Variants in SMARCAL1 observed in about 807,000 individuals in gnomAD.
The protein encoded by SMARCAL1 is ATP-driven annealing helicase.
A neutral mutation model predicts 94.5 loss-of-function variants in SMARCAL1; 58 were observed. That is an observed-to-expected ratio of 0.61 (90% CI 0.50 to 0.76). SMARCAL1 has a LOEUF of 0.76. SMARCAL1 is among the 30% of genes least tolerant of loss of function. SMARCAL1 has a pLI of 0.00. For missense variants in SMARCAL1, 1,051 were observed against 1,177.9 expected (o/e 0.89, Z 1.58); for synonymous variants, 422 against 455.1 (o/e 0.93, Z 0.93).
intron 12 of SMARCAL1, among the ~76,000 whole-genome samples, chr2:216,457,753 C>A (rs1270743429): frequency 6.6e-6 from 1 of 152,164 alleles, no homozygotes; most frequent in Non-Finnish European, 1.5e-5. Context: ...CTAAAATTGA[C>A]ACCCTAACAT....
At chr2:216,478,450 G>T in intron 17 of SMARCAL1, 151 bp downstream of exon 17, 1 of 719,046 alleles carries the variant, frequency 1.4e-6, no homozygotes, top group Non-Finnish European at 2.5e-6. Context: ...GTCATTCTCA[G>T]TTGAACCATG....
intron 11 of SMARCAL1, among the ~76,000 whole-genome samples, 181 bp from the exon 12 acceptor site, chr2:216,450,665 C>G (rs1694427850): frequency 6.6e-6 from 1 of 152,168 alleles, no homozygotes; most frequent in African/African-American, 2.4e-5. Flanking sequence ...TTTTTTCTCT[C>G]TTTTCCTTTC....
chr2:216,477,309 A>G, intron 16 of SMARCAL1, 100 bp downstream of exon 16: 1 of 857,136 alleles, frequency 1.2e-6, no homozygotes, highest in African/African-American at 1.7e-5. Flanking sequence ...TTTGCTAAGT[A>G]AGGTCTTTAA....
intron 12 of SMARCAL1, among the ~76,000 whole-genome samples, chr2:216,463,706 T>C (rs1003057881): frequency 5.3e-5 from 8 of 152,210 alleles, no homozygotes; most frequent in African/African-American, 1.7e-4. Flanking sequence ...AATTACCTTA[T>C]GTGGGAGGTA....
chr2:216,448,089 G>A (rs1055692592), intron 11 of SMARCAL1, among the ~76,000 whole-genome samples: 4 of 152,260 alleles, frequency 2.6e-5, no homozygotes, highest in Admixed American at 2.6e-4. Flanking sequence ...ACATTCAAAC[G>A]AAGTACTTAT....
intron 8 of SMARCAL1, among the ~76,000 whole-genome samples, chr2:216,434,851 ATTTTTT>A (rs11408208): frequency 0.12 from 14,388 of 117,348 alleles, 815 homozygotes; most frequent in South Asian, 0.21. Flanking sequence ...ACAACTCTCT[ATTTTTT>A]TTTTTTTTTT....
rs112797775 is a variant in SMARCAL1 at position 216,448,300 on chromosome 2, G to A, written c.1851+1142G>A. ...TGGTCCCTCAAAACTCTTCATGTAT[G>A]ATTTGGATTTCTGTCCTATTCGCAA... On this transcript the variant is annotated intron_variant, in intron 11 of 17. Coordinates refer to ENST00000357276, the MANE Select transcript of SMARCAL1 (RefSeq NM_014140.4). 2.9e-3 allele frequency among the ~76,000 whole-genome samples: 441 copies of A among 152,248 alleles called. 6 individuals are homozygous for A. Among genetic ancestry groups the A allele is most frequent in the East Asian group, 0.025 (132 of 5,180 alleles).
At position 216,432,923 on chromosome 2, in the gene SMARCAL1, G is replaced by A. The variant is rs879109772; in HGVS notation, c.1485+55G>A. On this transcript the variant is annotated intron_variant, in intron 8 of 17. Coordinates refer to ENST00000357276, the MANE Select transcript of SMARCAL1 (RefSeq NM_014140.4). ...AGAGAAGGTTTTCTTCAGTGTTAGA[G>A]TCATAAAATAATGGTTTGCAGACAG... 31 of 1,605,562 alleles carry A rather than the reference G, an allele frequency of 1.9e-5. No homozygotes were observed. In the South Asian group the frequency reaches 2.6e-4, roughly 14 times the overall value.
Position 216,475,163 on chromosome 2 carries a change from C to T in SMARCAL1, c.2245-106C>T. On this transcript the variant is annotated intron_variant, in intron 14 of 17. Coordinates refer to ENST00000357276, the MANE Select transcript of SMARCAL1 (RefSeq NM_014140.4). The surrounding 1 kb of genome is among the most constrained non-coding windows in gnomAD (Gnocchi z 4.4). ...AGAAAAGCTCTGAAGGCAGGGGCCT[C>T]TGCTGAGCTGGAACCTGGTTCTGTG... is the stretch of plus-strand genomic sequence containing the variant. The T allele has an allele frequency of 8.8e-7, 1 of 1,141,280 alleles. No homozygotes were observed. The highest frequency in any genetic ancestry group is 2.4e-5 in the East Asian group (1 of 42,070). 70.7% of individuals were successfully genotyped at this position (1,141,280 alleles called of 1,614,324 possible).
intron 6 of SMARCAL1, 78 bp downstream of exon 6, chr2:216,423,761 TGAAG>T: frequency 6.1e-6 from 8 of 1,302,960 alleles, no homozygotes; most frequent in Non-Finnish European, 8.9e-6. Flanking sequence ...GATGTATTTT[TGAAG>T]AATCTTCTCC....
rs199905841 is a variant in SMARCAL1 at position 216,414,828 on chromosome 2, A to G, written c.124A>G (p.Ile42Val). Reference sequence around the variant, plus strand: ...TCAGAGGACTAGCTCGGGCACCTCCATTGCTGGCAACCCATTCCAGGCCAA... The same window carrying G: ...TCAGAGGACTAGCTCGGGCACCTCCGTTGCTGGCAACCCATTCCAGGCCAA... Reference protein sequence around the residue: ...QHQRTSSGTSIAGNPFQAKQG... With the variant: ...QHQRTSSGTSVAGNPFQAKQG... Residue 42 changes from isoleucine (I) to valine (V), a missense_variant, in exon 3 of 18, where the codon ATT becomes GTT. By Grantham distance (29) the Ile-to-Val change is conservative (BLOSUM62 3). Coordinates refer to ENST00000357276, the MANE Select transcript of SMARCAL1 (RefSeq NM_014140.4). 3.4e-4 allele frequency: 542 copies of G among 1,614,180 alleles called. 1 individual carries two copies. Among genetic ancestry groups the G allele is most frequent in the Non-Finnish European group, 2.9e-5 (34 of 1,180,038 alleles).
Position 216,415,439 on chromosome 2 carries a change from C to G in SMARCAL1, c.735C>G (p.Gly245=), listed in dbSNP as rs149510554. Residue 245 remains glycine (G), a synonymous_variant, in exon 3 of 18, where the codon GGC becomes GGG. Transcript: ENST00000357276. The part of the protein sequence containing the change: ...NSQKGKCVRN[G]DRFQVLIGYN... ...AGAAGGGAAAGTGCGTAAGGAACGGCGATCGTTTCCAGGTGTTGATTGGGT... is the reference window on the plus strand; with the variant it reads ...AGAAGGGAAAGTGCGTAAGGAACGGGGATCGTTTCCAGGTGTTGATTGGGT... 3.1e-6 allele frequency: 5 copies of G among 1,613,978 alleles called. No individual in the cohort carries two copies. Among genetic ancestry groups the G allele is most frequent in the Non-Finnish European group, 4.2e-6 (5 of 1,180,034 alleles).
chr2:216,414,962 T>A lies in SMARCAL1; in HGVS notation c.258T>A (p.Pro86=). The A allele has an allele frequency of 6.2e-7, 1 of 1,614,192 alleles. No individual in the cohort carries two copies. Among genetic ancestry groups the A allele is most frequent in the South Asian group, 1.1e-5 (1 of 91,084 alleles). ...GCTCATCTAATGCTGACCAAAGACC[T>A]CATGATTCCCACAGTTTTCAGGCAA... ...LSSSSNADQR[P]HDSHSFQAKG... The change falls in exon 3 of 18, where the codon CCT becomes CCA. Residue 86 remains proline (P), a synonymous_variant. Transcript: ENST00000357276.
At chr2:216,478,163 G>A (rs371749829) in intron 16 of SMARCAL1, 40 bp from the exon 17 acceptor site, 17 of 1,489,202 alleles carry the variant, frequency 1.1e-5, no homozygotes, top group Non-Finnish European at 1.5e-5. Context: ...TGGTGGTTCT[G>A]TGCAGGTTGT....
At chr2:216,446,846 A>G (rs1694325831) in intron 10 of SMARCAL1, 172 bp from the exon 11 acceptor site, 1 of 715,580 alleles carries the variant, frequency 1.4e-6, no homozygotes, top group Non-Finnish European at 2.5e-6. Context: ...GGGAGGATTT[A>G]AAGAAAAGGA....
At chr2:216,474,191 G>C (rs548653654) in intron 14 of SMARCAL1, among the ~76,000 whole-genome samples, 1 of 130,848 alleles carries the variant, frequency 7.6e-6, no homozygotes, top group African/African-American at 2.8e-5. Flanking sequence ...CCAGGCAGGA[G>C]TGCAGTGGTG....
intron 6 of SMARCAL1, among the ~76,000 whole-genome samples, chr2:216,428,276 C>T (rs72946695): frequency 0.1 from 15,684 of 152,110 alleles, 919 homozygotes; most frequent in South Asian, 0.18. Flanking sequence ...TTTATCTCTC[C>T]GGTTTATTCT....
rs116499294 is a variant in SMARCAL1 at position 216,426,437 on chromosome 2, G to A, written c.1148-2159G>A. Among the ~76,000 whole-genome samples the A allele has an allele frequency of 7.5e-3, 1,142 of 152,278 alleles. 6 individuals carry two copies. Among genetic ancestry groups the A allele is most frequent in the African/African-American group, 0.026 (1,072 of 41,540 alleles). ...ATGGATTCTTCACCCAGAAAAAAAT[G>A]CACATAATGGCCACAAATAAGATTT... On this transcript the variant is annotated intron_variant, in intron 6 of 17. Transcript: ENST00000357276.
Position 216,451,166 on chromosome 2 carries a change from T to G in SMARCAL1, c.2070+102T>G, listed in dbSNP as rs1214969203. 6 of 943,934 alleles carry G rather than the reference T, an allele frequency of 6.4e-6. No individual in the cohort carries two copies. In the East Asian group the frequency reaches 1.6e-4, roughly 24 times the overall value. 58.5% of individuals were successfully genotyped at this position (943,934 alleles called of 1,614,324 possible). On this transcript the variant is annotated intron_variant, in intron 12 of 17. Coordinates refer to ENST00000357276, the MANE Select transcript of SMARCAL1 (RefSeq NM_014140.4). Reference sequence around the variant, plus strand: ...ACCTGGCATTCTCTCAGCTTTCCTTTCTGTAACCTTTTCCCTCTTCCCTAG... The same window carrying G: ...ACCTGGCATTCTCTCAGCTTTCCTTGCTGTAACCTTTTCCCTCTTCCCTAG...
Sources: gnomAD v4.1 joint callset for allele counts (sites outside exome capture counted in the v4.1 genomes callset) on GRCh38, gnomAD v4.1.1 for gene constraint, Gnocchi (gnomAD v3.1) non-coding constraint, MANE v1.5 for transcripts, NCBI Gene and HGNC (gene_info 2026-07-23, HGNC 2026-07-21) for gene names.